The following ATP8B1 variants were observed in gnomAD, a reference collection of about 807,000 sequenced individuals.
ATP8B1 encodes the protein ATPase phospholipid transporting 8B1, also known as phospholipid-transporting ATPase IC.
A neutral mutation model predicts 149.9 loss-of-function variants in ATP8B1; 80 were observed. The ratio of observed to expected loss-of-function variants is 0.53; its 90% CI spans 0.45 to 0.64. ATP8B1 has a LOEUF of 0.64. ATP8B1 is among the 30% of genes least tolerant of loss of function. ATP8B1 has a pLI of 0.00. For missense variants in ATP8B1, 1,247 were observed against 1,552.6 expected, an observed-to-expected ratio of 0.80 and a Z score of 3.31; for synonymous variants, 536 against 562.8, an observed-to-expected ratio of 0.95 and a Z score of 0.67.
chr18:57,673,379 G>A (rs1342888223), intron 16 of ATP8B1, among the ~76,000 whole-genome samples: 1 of 151,968 alleles, frequency 6.6e-6, no homozygotes, highest in Non-Finnish European at 1.5e-5. Context: ...ATATTGTACT[G>A]TGTTAAATTT....
chr18:57,778,942 A>G (rs1315706005), intron 1 of ATP8B1, among the ~76,000 whole-genome samples: 1 of 152,164 alleles, frequency 6.6e-6, no homozygotes, highest in Non-Finnish European at 1.5e-5. Flanking sequence ...ATCACAAATT[A>G]CACTTCACAA....
intron 1 of ATP8B1, among the ~76,000 whole-genome samples, chr18:57,756,462 A>G (rs956665801): frequency 1.3e-5 from 2 of 151,248 alleles, no homozygotes; most frequent in African/African-American, 4.9e-5. Flanking sequence ...CACCATGCCC[A>G]GCTAATTTTT....
intron 15 of ATP8B1, among the ~76,000 whole-genome samples, chr18:57,678,193 G>A (rs902167641): frequency 4.5e-4 from 69 of 152,226 alleles, no homozygotes; most frequent in African/African-American, 1.6e-3. Flanking sequence ...CCTACCACAT[G>A]TTCTCACTTA....
intron 1 of ATP8B1, among the ~76,000 whole-genome samples, chr18:57,786,858 G>T (rs141514979): frequency 1.6e-4 from 25 of 152,304 alleles, no homozygotes; most frequent in African/African-American, 5.8e-4. Flanking sequence ...ATGTTAAAGG[G>T]TGTTTTTAAA....
intron 1 of ATP8B1, among the ~76,000 whole-genome samples, chr18:57,786,128 G>A (rs1026169644): frequency 2.6e-5 from 4 of 152,146 alleles, no homozygotes; most frequent in Non-Finnish European, 5.9e-5. Flanking sequence ...TTTAAGAACT[G>A]CGCTGGGGGC....
chr18:57,688,906 A>G (rs1912393140), intron 12 of ATP8B1, among the ~76,000 whole-genome samples: 1 of 152,178 alleles, frequency 6.6e-6, no homozygotes, highest in Non-Finnish European at 1.5e-5. Flanking sequence ...CAGAACTCTG[A>G]GCAATAAATT....
intron 1 of ATP8B1, among the ~76,000 whole-genome samples, chr18:57,778,832 G>T (rs925272362): frequency 6.6e-6 from 1 of 152,160 alleles, no homozygotes; most frequent in African/African-American, 2.4e-5. Flanking sequence ...CCCAGCCTCA[G>T]AAGTGACATC....
intron 1 of ATP8B1, among the ~76,000 whole-genome samples, chr18:57,786,940 T>A (rs769039185): frequency 6.6e-6 from 1 of 152,194 alleles, no homozygotes; most frequent in Non-Finnish European, 1.5e-5. Flanking sequence ...ATACAGCAGA[T>A]ATGGAGAACA....
chr18:57,756,507 G>C (rs2080086102), intron 1 of ATP8B1, among the ~76,000 whole-genome samples: 1 of 151,686 alleles, frequency 6.6e-6, no homozygotes, highest in Non-Finnish European at 1.5e-5. Flanking sequence ...TACCATGTTG[G>C]CCAGGCTGGT....
chr18:57,797,230 A>C (rs1374836236), intron 1 of ATP8B1, among the ~76,000 whole-genome samples: 1 of 152,232 alleles, frequency 6.6e-6, no homozygotes, highest in Non-Finnish European at 1.5e-5. Context: ...AACTGTTTTC[A>C]AAAGCCACCT....
chr18:57,702,470 T>G (rs1216639126), intron 4 of ATP8B1, among the ~76,000 whole-genome samples: 1 of 152,228 alleles, frequency 6.6e-6, no homozygotes. Context: ...AGGCCTGACC[T>G]TCTAGACTAG....
intron 2 of ATP8B1, among the ~76,000 whole-genome samples, chr18:57,718,410 T>C (rs557903673): frequency 1.8e-4 from 28 of 152,280 alleles, no homozygotes; most frequent in African/African-American, 6.0e-4. Flanking sequence ...ATGGCTTCAC[T>C]ACTGAATACT....
At chr18:57,653,287 T>C (rs541437783) in intron 24 of ATP8B1, among the ~76,000 whole-genome samples, 95 of 146,670 alleles carry the variant, frequency 6.5e-4, no homozygotes, top group East Asian at 1.7e-3. Context: ...CTTTTCTTTT[T>C]TTTTTTTTTT....
At chr18:57,738,470 A>G (rs2079880462) in intron 1 of ATP8B1, among the ~76,000 whole-genome samples, 2 of 151,814 alleles carry the variant, frequency 1.3e-5, no homozygotes, top group Non-Finnish European at 2.9e-5. Flanking sequence ...TAATAATACA[A>G]AAAAATTAGC....
chr18:57,782,323 C>T (rs1480305715), intron 1 of ATP8B1, among the ~76,000 whole-genome samples: 1 of 152,246 alleles, frequency 6.6e-6, no homozygotes, highest in Non-Finnish European at 1.5e-5. Context: ...GTTGCAGACG[C>T]CAATCCAGCA....
At chr18:57,741,847 C>A (rs2079916880) in intron 1 of ATP8B1, among the ~76,000 whole-genome samples, 1 of 152,098 alleles carries the variant, frequency 6.6e-6, no homozygotes, top group Admixed American at 6.6e-5. Context: ...CATGCCACAC[C>A]CTGTTTGGAG....
At chr18:57,798,632 A>G (rs923926451) in intron 1 of ATP8B1, among the ~76,000 whole-genome samples, 6 of 152,088 alleles carry the variant, frequency 3.9e-5, no homozygotes, top group Non-Finnish European at 8.8e-5. Context: ...ATAGAAAAAC[A>G]GGAGCGTGGA....
In ATP8B1 at chr18:57,688,376, AT is replaced by A; in HGVS notation, c.1351del (p.Ile451SerfsTer14). 1 of 1,614,162 alleles carries A rather than the reference AT, an allele frequency of 6.2e-7. No individual in the cohort carries two copies. Among genetic ancestry groups the A allele is most frequent in the Non-Finnish European group, 8.5e-7 (1 of 1,180,030 alleles). On this transcript the variant is annotated frameshift_variant, in exon 13 of 28. Coordinates refer to ENST00000648908, the MANE Select transcript of ATP8B1 (RefSeq NM_001374385.1). LOFTEE classifies it high-confidence loss of function. The part of the protein sequence containing the change: ...LNEQLGQIHY[I>X]FSDKTGTLTQ... ...GAGTGTCCCCGTCTTATCAGAGAAGATATAATGGATCTGCCCGAGCTGTTCA... is the reference window on the plus strand; with the variant it reads ...GAGTGTCCCCGTCTTATCAGAGAAGAATAATGGATCTGCCCGAGCTGTTCA...
chr18:57,705,926 A>G (rs565471660), intron 3 of ATP8B1, among the ~76,000 whole-genome samples: 1 of 152,278 alleles, frequency 6.6e-6, no homozygotes, highest in African/African-American at 2.4e-5. Flanking sequence ...CAATGGCACA[A>G]TTTCAGCTCA....
Sources: gnomAD v4.1 joint callset for allele counts (sites outside exome capture counted in the v4.1 genomes callset) on GRCh38, gnomAD v4.1.1 for gene constraint, MANE v1.5 for transcripts, NCBI Gene and HGNC (gene_info 2026-07-23, HGNC 2026-07-21) for gene names.